MBD5: variants seen among roughly 807,000 people sequenced by gnomAD.
MBD5 encodes methyl-CpG-binding domain protein 5.
In MBD5, 13 loss-of-function variants were observed where a neutral mutation model predicts 117.3. That is an observed-to-expected ratio of 0.11 (90% CI 0.07 to 0.18). MBD5 has a LOEUF of 0.18. MBD5 is among the 10% of genes least tolerant of loss of function. MBD5 has a pLI of 1.00. For synonymous variants in MBD5, 727 were observed against 766.4 expected, an observed-to-expected ratio of 0.95 and a Z score of 0.85; for missense variants, 1,879 against 2,093.8, an observed-to-expected ratio of 0.90 and a Z score of 2.00.
chr2:148,112,386 G>A (rs1696522405), intron 1 of MBD5, among the ~76,000 whole-genome samples: 1 of 152,114 alleles, frequency 6.6e-6, no homozygotes, highest in Non-Finnish European at 1.5e-5. Flanking sequence ...AAAATGTTCT[G>A]TTCTTCTCTA....
At chr2:148,273,800 G>A (rs1391736115) in intron 3 of MBD5, among the ~76,000 whole-genome samples, 1 of 152,114 alleles carries the variant, frequency 6.6e-6, no homozygotes, top group Non-Finnish European at 1.5e-5. Flanking sequence ...TCATTATATT[G>A]GCATTTTTGG....
intron 3 of MBD5, among the ~76,000 whole-genome samples, chr2:148,246,038 G>A (rs753119113): frequency 2.0e-5 from 3 of 152,072 alleles, no homozygotes; most frequent in Non-Finnish European, 4.4e-5. Flanking sequence ...AGTTATTATT[G>A]GCAAGAAGAG....
chr2:148,326,882 A>T (rs1702467011), intron 3 of MBD5, among the ~76,000 whole-genome samples: 1 of 147,872 alleles, frequency 6.8e-6, no homozygotes, highest in African/African-American at 2.5e-5. Flanking sequence ...TGTCATTATG[A>T]TGTTAGCTGG....
At chr2:148,063,033 GTTCAC>G (rs1201480021) in intron 1 of MBD5, among the ~76,000 whole-genome samples, 1 of 152,104 alleles carries the variant, frequency 6.6e-6, no homozygotes, top group Non-Finnish European at 1.5e-5. Flanking sequence ...TTGTTAAACA[GTTCAC>G]TTAACCACTT....
intron 1 of MBD5, among the ~76,000 whole-genome samples, chr2:148,033,457 CAATA>C (rs1207773929): frequency 6.6e-6 from 1 of 152,032 alleles, no homozygotes; most frequent in Admixed American, 6.6e-5. Context: ...AACTTATTGT[CAATA>C]AATTATCTTC....
chr2:148,076,762 T>C (rs1433227028), intron 1 of MBD5, among the ~76,000 whole-genome samples: 1 of 152,222 alleles, frequency 6.6e-6, no homozygotes, highest in Admixed American at 6.5e-5. Context: ...ATTCATCAAA[T>C]ATTTATTAAG....
intron 4 of MBD5, among the ~76,000 whole-genome samples, chr2:148,363,192 G>A (rs779802707): frequency 1.1e-4 from 16 of 152,084 alleles, no homozygotes; most frequent in African/African-American, 1.4e-4. Context: ...ACACTCCTCC[G>A]AGCTAAAGGA....
chr2:148,102,766 A>AGAGG (rs1696265393), intron 1 of MBD5, among the ~76,000 whole-genome samples: 1 of 135,224 alleles, frequency 7.4e-6, no homozygotes, highest in African/African-American at 2.8e-5. Flanking sequence ...AGAGAGGAAG[A>AGAGG]GAGAGAGAGA....
At chr2:148,127,657 T>C (rs772886221) in intron 1 of MBD5, among the ~76,000 whole-genome samples, 2 of 152,170 alleles carry the variant, frequency 1.3e-5, no homozygotes, top group Non-Finnish European at 2.9e-5. Flanking sequence ...GTTGATTCCA[T>C]GTCTTTGCTA....
chr2:148,140,405 TTAAA>T (rs757088331), intron 1 of MBD5, among the ~76,000 whole-genome samples: 10 of 152,230 alleles, frequency 6.6e-5, no homozygotes, highest in Non-Finnish European at 1.2e-4. Flanking sequence ...TACATTTACT[TTAAA>T]TATTTTACCA....
At chr2:148,446,130 A>C (rs1035766416) in intron 4 of MBD5, among the ~76,000 whole-genome samples, 10 of 150,956 alleles carry the variant, frequency 6.6e-5, no homozygotes, top group Non-Finnish European at 1.3e-4. Flanking sequence ...CAAGCTCTTT[A>C]GTTTAATTAG....
chr2:148,046,783 CT>C (rs1694547584), intron 1 of MBD5, among the ~76,000 whole-genome samples: 1 of 152,120 alleles, frequency 6.6e-6, no homozygotes, highest in Non-Finnish European at 1.5e-5. Context: ...CATATTCTGT[CT>C]TTTGCTGAGT....
At chr2:148,382,491 C>T (rs1704183774) in intron 4 of MBD5, among the ~76,000 whole-genome samples, 1 of 152,128 alleles carries the variant, frequency 6.6e-6, no homozygotes. Context: ...CTTAGACTCC[C>T]ACACAATAAT....
intron 3 of MBD5, among the ~76,000 whole-genome samples, chr2:148,301,282 T>C (rs183982140): frequency 8.7e-4 from 132 of 152,206 alleles, no homozygotes; most frequent in Non-Finnish European, 1.2e-3. Flanking sequence ...AAAGGGACAG[T>C]GTGTCTGGAA....
At chr2:148,127,045 G>C (rs1392046585) in intron 1 of MBD5, among the ~76,000 whole-genome samples, 2 of 148,936 alleles carry the variant, frequency 1.3e-5, no homozygotes, top group Admixed American at 6.8e-5. Context: ...GCGCGATCTC[G>C]GCTCACTGCA....
chr2:148,294,196 G>GTTTTTTTTTTTTTTTTTTTTTTT (rs60942822), intron 3 of MBD5, among the ~76,000 whole-genome samples: 2 of 127,146 alleles, frequency 1.6e-5, no homozygotes, highest in Admixed American at 8.0e-5. Context: ...CCAGAATGAA[G>GTTTTTTTTTTTTTTTTTTTTTTT]TTTTTTTTTT....
intron 1 of MBD5, among the ~76,000 whole-genome samples, chr2:148,175,419 A>G (rs1055817132): frequency 5.9e-5 from 9 of 152,194 alleles, no homozygotes; most frequent in African/African-American, 2.2e-4. Context: ...AGGTTTTAAG[A>G]AAACTCTTTG....
rs35611552 is a variant in MBD5, at chr2:148,389,241, G to GA, written c.-557+46914dup. On this transcript the variant is annotated intron_variant, in intron 4 of 13. Coordinates refer to ENST00000642680, the MANE Select transcript of MBD5 (RefSeq NM_001378120.1). ...TGTGTGTGTAATGTGATATAAATAG[G>GA]AAAAAAAAACATATATATATATATA... Among the ~76,000 whole-genome samples the GA allele has an allele frequency of 2.7e-3, 123 of 45,528 alleles. 2 individuals are homozygous for GA. The highest frequency in any genetic ancestry group is 8.5e-3 in the African/African-American group (107 of 12,586). 29.9% of individuals were successfully genotyped at this position (45,528 alleles called of 152,430 possible).
At chr2:148,361,674 G>A (rs1240265311) in intron 4 of MBD5, among the ~76,000 whole-genome samples, 1 of 152,210 alleles carries the variant, frequency 6.6e-6, no homozygotes, top group Non-Finnish European at 1.5e-5. Flanking sequence ...CAATCCCATA[G>A]TTTGGACAAC....
Sources: allele counts gnomAD v4.1 joint callset (sites outside exome capture counted in the v4.1 genomes callset), GRCh38; gene constraint gnomAD v4.1.1; transcripts MANE v1.5; gene names NCBI Gene and HGNC (gene_info 2026-07-23, HGNC 2026-07-21).